MYT1L: variants seen among roughly 807,000 people sequenced by gnomAD.
The protein encoded by MYT1L is myelin transcription factor 1-like protein.
In MYT1L, 12 loss-of-function variants were observed where a neutral mutation model predicts 126.7. That is an observed-to-expected ratio of 0.09 (90% CI 0.06 to 0.15). The LOEUF (loss-of-function observed/expected upper bound fraction) is 0.15. MYT1L is among the 10% of genes least tolerant of loss of function. The pLI, the probability that MYT1L is intolerant of heterozygous loss-of-function variation, is 1.00. For synonymous variants in MYT1L, 541 were observed against 604.2 expected (o/e 0.90, Z 1.53); for missense variants, 979 against 1,585.2 (o/e 0.62, Z 6.49).
At chr2:2,108,998 GTCTA>G (rs2079064233) in intron 3 of MYT1L, among the ~76,000 whole-genome samples, 1 of 152,148 alleles carries the variant, frequency 6.6e-6, no homozygotes, top group South Asian at 2.1e-4. Context: ...GCCACTCCCT[GTCTA>G]TACCCCAGCC....
intron 18 of MYT1L, among the ~76,000 whole-genome samples, chr2:1,858,642 C>G (rs1387111501): frequency 6.6e-6 from 1 of 152,148 alleles, no homozygotes; most frequent in Non-Finnish European, 1.5e-5. Context: ...AAACAACTAT[C>G]CTGTATCACT....
intron 4 of MYT1L, among the ~76,000 whole-genome samples, chr2:2,053,773 T>TAG (rs749530770): frequency 1.3e-5 from 2 of 152,238 alleles, no homozygotes; most frequent in Non-Finnish European, 2.9e-5. Flanking sequence ...CTTGAGTCTA[T>TAG]GTTTACCAAG....
chr2:1,885,920 G>A (rs556866122), intron 18 of MYT1L, among the ~76,000 whole-genome samples: 1 of 152,188 alleles, frequency 6.6e-6, no homozygotes, highest in Non-Finnish European at 1.5e-5. Flanking sequence ...CAGTGTTGCA[G>A]TATAAATGTA....
In MYT1L at chr2:1,793,578, C is replaced by T. The variant is rs1422835920; in HGVS notation, c.3277-1114G>A. Among the ~76,000 whole-genome samples the T allele has an allele frequency of 6.6e-6, 1 of 152,176 alleles. No individual in the cohort carries two copies. The highest frequency in any genetic ancestry group is 1.5e-5 in the Non-Finnish European group (1 of 68,044). On this transcript the variant is annotated intron_variant, in intron 23 of 24. Transcript: ENST00000647738. This position sits in a 1 kb window ranked among gnomAD's most constrained non-coding sequence, Gnocchi z 4.6. ...CCCTTGGCTGTACTGGGTCAAATCC[C>T]GGGTTCTCCCAGTCACCAGCCTCAG...
At chr2:2,015,176 A>G (rs1427443029) in intron 4 of MYT1L, among the ~76,000 whole-genome samples, 1 of 152,196 alleles carries the variant, frequency 6.6e-6, no homozygotes, top group Admixed American at 6.5e-5. Flanking sequence ...AGAGCACTGC[A>G]ATGCTGAAGA....
Position 1,889,362 on chromosome 2 carries a change from T to C in MYT1L, c.2399A>G (p.Gln800Arg), listed in dbSNP as rs761536960. 5 of 1,613,996 alleles carry C rather than the reference T, an allele frequency of 3.1e-6. No homozygotes were observed. The South Asian group carries it at 5.5e-5, about 18-fold the overall frequency. ...ACACCGGTTGTTCATCACTGCCTGC[T>C]GCTGGGGGGACATGGGCTCCAGAGG... ...LTPLEPMSPQ[Q>R]QAVMNNRCFQ... is the part of the protein sequence containing the mutation. The change falls in exon 16 of 25, where the codon CAG becomes CGG. Residue 800 changes from glutamine to arginine, a missense_variant. Around this residue, in one of 12 missense-constraint regions of MYT1L, gnomAD observed 141 missense variants for 170.6 expected, o/e 0.83. Transcript: ENST00000647738. This position sits in a 1 kb window ranked among gnomAD's most constrained non-coding sequence, Gnocchi z 4.1.
At chr2:1,821,863 C>T (rs764414421) in intron 21 of MYT1L, among the ~76,000 whole-genome samples, 42 of 152,368 alleles carry the variant, frequency 2.8e-4, no homozygotes, top group African/African-American at 7.9e-4. Flanking sequence ...TTCAGTACAA[C>T]GGCTCATCCT....
At chr2:1,847,218 A>C (rs989623225) in intron 19 of MYT1L, among the ~76,000 whole-genome samples, 3 of 152,220 alleles carry the variant, frequency 2.0e-5, no homozygotes, top group Non-Finnish European at 4.4e-5. Context: ...TCAGGATACC[A>C]ATAATCTCAT....
At chr2:2,031,238 C>T (rs901893605) in intron 4 of MYT1L, among the ~76,000 whole-genome samples, 1 of 152,202 alleles carries the variant, frequency 6.6e-6, no homozygotes, top group Non-Finnish European at 1.5e-5. Flanking sequence ...GGAAATGAAG[C>T]CACAGGCAAG....
At chr2:2,322,665 G>A (rs2096189194) in intron 1 of MYT1L, among the ~76,000 whole-genome samples, 1 of 151,896 alleles carries the variant, frequency 6.6e-6, no homozygotes, top group Admixed American at 6.6e-5. Context: ...CGTGGAGAAG[G>A]GGCTTTCAGG....
intron 2 of MYT1L, among the ~76,000 whole-genome samples, chr2:2,271,692 G>A (rs2095266351): frequency 1.3e-5 from 2 of 152,162 alleles, no homozygotes; most frequent in Non-Finnish European, 2.9e-5. Context: ...TTGGTTTCTA[G>A]CGAGGGCCTG....
intron 3 of MYT1L, among the ~76,000 whole-genome samples, chr2:2,170,528 C>A (rs2089881482): frequency 6.6e-6 from 1 of 152,126 alleles, no homozygotes; most frequent in African/African-American, 2.4e-5. Flanking sequence ...AAATGTTGGC[C>A]CACCAGGTCT....
At chr2:1,954,176 G>A (rs561209507) in intron 8 of MYT1L, among the ~76,000 whole-genome samples, 4 of 152,234 alleles carry the variant, frequency 2.6e-5, no homozygotes, top group South Asian at 4.1e-4. Flanking sequence ...AGAGCTAGAC[G>A]TTCCACCCTC....
In MYT1L at chr2:2,042,696, C is replaced by T. The variant is rs548596410; in HGVS notation, c.-158+11282G>A. Among the ~76,000 whole-genome samples the T allele has an allele frequency of 1.6e-4, 24 of 152,296 alleles. No homozygotes were observed. In the South Asian group the frequency reaches 4.1e-3, roughly 26 times the overall value. On this transcript the variant is annotated intron_variant, in intron 4 of 24. Coordinates refer to ENST00000647738, the MANE Select transcript of MYT1L (RefSeq NM_001303052.2). ...ACCAATGGTCCCGGCCTCCCTGTCA[C>T]CCACCCTGAGGTTGGAGCCACTATG... is the stretch of plus-strand genomic sequence containing the variant.
intron 5 of MYT1L, among the ~76,000 whole-genome samples, chr2:1,988,397 A>G (rs967108117): frequency 1.3e-5 from 2 of 152,224 alleles, no homozygotes; most frequent in Admixed American, 6.5e-5. Flanking sequence ...AGGGCCCTGT[A>G]GTGGGCAGTA....
At chr2:1,821,140 A>G (rs1261677879) in intron 21 of MYT1L, among the ~76,000 whole-genome samples, 1 of 152,158 alleles carries the variant, frequency 6.6e-6, no homozygotes, top group Non-Finnish European at 1.5e-5. Flanking sequence ...GAACCATTTC[A>G]TGATTGCGTG....
chr2:2,177,267 T>C (rs536398186), intron 2 of MYT1L, among the ~76,000 whole-genome samples: 3 of 152,350 alleles, frequency 2.0e-5, no homozygotes, highest in Admixed American at 2.0e-4. Context: ...AATATATATT[T>C]AGTCACACAT....
chr2:2,138,168 G>T (rs1486716581), intron 3 of MYT1L, among the ~76,000 whole-genome samples: 1 of 152,018 alleles, frequency 6.6e-6, no homozygotes, highest in South Asian at 2.1e-4. Context: ...CAGTTAGAAT[G>T]GCAATCATTA....
chr2:2,247,573 A>G (rs1171764482), intron 2 of MYT1L, among the ~76,000 whole-genome samples: 1 of 152,222 alleles, frequency 6.6e-6, no homozygotes, highest in Admixed American at 6.5e-5. Context: ...GCTACAGAAT[A>G]CACATTATTT....
Sources: gnomAD v4.1 joint callset for allele counts (sites outside exome capture counted in the v4.1 genomes callset) on GRCh38, gnomAD v4.1.1 for gene constraint, gnomAD v4.1.1 regional missense constraint, Gnocchi (gnomAD v3.1) non-coding constraint, MANE v1.5 for transcripts, NCBI Gene and HGNC (gene_info 2026-07-23, HGNC 2026-07-21) for gene names.